Variants in ST6GALNAC3 observed in about 807,000 individuals in gnomAD.
ST6GALNAC3 encodes the protein ST6 N-acetylgalactosaminide alpha-2,6-sialyltransferase 3, also known as alpha-N-acetylgalactosaminide alpha-2,6-sialyltransferase 3.
A neutral mutation model predicts 32.7 loss-of-function variants in ST6GALNAC3; 25 were observed. That is an observed-to-expected ratio of 0.76 (90% CI 0.56 to 1.07). The LOEUF (loss-of-function observed/expected upper bound fraction) is 1.07, where lower values mean the gene tolerates loss of function less well. Among genes scored for constraint, ST6GALNAC3 ranks in the 50% least tolerant of loss-of-function variants. The pLI is 0.00. For missense variants in ST6GALNAC3, 355 were observed against 382.4 expected (o/e 0.93, Z 0.60); for synonymous variants, 129 against 133.1 (o/e 0.97, Z 0.21).
At chr1:76,281,275 G>A (rs1659485828) in intron 1 of ST6GALNAC3, among the ~76,000 whole-genome samples, 1 of 152,044 alleles carries the variant, frequency 6.6e-6, no homozygotes, top group East Asian at 1.9e-4. Flanking sequence ...GAAGGCCTGA[G>A]GAAAAAATAA....
intron 2 of ST6GALNAC3, among the ~76,000 whole-genome samples, chr1:76,368,229 A>G (rs1650534048): frequency 6.6e-6 from 1 of 152,068 alleles, no homozygotes; most frequent in Non-Finnish European, 1.5e-5. Context: ...GGCAATAGAC[A>G]AATGAATGAA....
At chr1:76,207,561 C>A (rs553340422) in intron 1 of ST6GALNAC3, among the ~76,000 whole-genome samples, 1 of 152,204 alleles carries the variant, frequency 6.6e-6, no homozygotes, top group South Asian at 2.1e-4. Flanking sequence ...GAAGGCATCA[C>A]GTGGCAAACA....
At chr1:76,241,430 A>C (rs1656960984) in intron 1 of ST6GALNAC3, among the ~76,000 whole-genome samples, 2 of 152,126 alleles carry the variant, frequency 1.3e-5, no homozygotes, top group Admixed American at 6.6e-5. Context: ...GGGAAGTGCT[A>C]AGCTCCCTTA....
chr1:76,399,883 A>G (rs995991804), intron 2 of ST6GALNAC3, among the ~76,000 whole-genome samples: 1 of 152,128 alleles, frequency 6.6e-6, no homozygotes, highest in Non-Finnish European at 1.5e-5. Context: ...CTATATTGAA[A>G]TACAACATAT....
At chr1:76,250,814 A>G (rs1657566038) in intron 1 of ST6GALNAC3, among the ~76,000 whole-genome samples, 2 of 152,290 alleles carry the variant, frequency 1.3e-5, no homozygotes, top group South Asian at 2.1e-4. Context: ...CAAAATAATT[A>G]GCAATAATTT....
chr1:76,331,115 C>G (rs1647179798), intron 2 of ST6GALNAC3, among the ~76,000 whole-genome samples: 1 of 152,122 alleles, frequency 6.6e-6, no homozygotes, highest in African/African-American at 2.4e-5. Flanking sequence ...ACTGCCATTT[C>G]TTTAGAATGC....
At chr1:76,090,989 C>G (rs1350580270) in intron 1 of ST6GALNAC3, among the ~76,000 whole-genome samples, 1 of 152,096 alleles carries the variant, frequency 6.6e-6, no homozygotes, top group African/African-American at 2.4e-5. Context: ...ATGACTTGTT[C>G]CAATTATGAC....
At chr1:76,588,655 A>G (rs1422361355) in intron 3 of ST6GALNAC3, among the ~76,000 whole-genome samples, 6 of 152,196 alleles carry the variant, frequency 3.9e-5, no homozygotes, top group South Asian at 2.1e-4. Context: ...AGTTTTGACA[A>G]TCACGGGTAC....
chr1:76,575,633 T>C (rs1396693981), intron 3 of ST6GALNAC3, among the ~76,000 whole-genome samples: 1 of 151,996 alleles, frequency 6.6e-6, no homozygotes, highest in Non-Finnish European at 1.5e-5. Flanking sequence ...TCCACAAACT[T>C]GGGTAAGGCA....
At chr1:76,227,288 G>C (rs919156659) in intron 1 of ST6GALNAC3, among the ~76,000 whole-genome samples, 1 of 152,158 alleles carries the variant, frequency 6.6e-6, no homozygotes, top group Non-Finnish European at 1.5e-5. Flanking sequence ...ATGCCTGAAT[G>C]TCAGCCTTTT....
intron 1 of ST6GALNAC3, among the ~76,000 whole-genome samples, chr1:76,211,487 G>A (rs1172345749): frequency 1.3e-5 from 2 of 152,198 alleles, no homozygotes; most frequent in East Asian, 3.8e-4. Flanking sequence ...ACGTGCACAT[G>A]TATGTTTATT....
chr1:76,342,222 A>C (rs573151750), intron 2 of ST6GALNAC3, among the ~76,000 whole-genome samples: 3 of 152,104 alleles, frequency 2.0e-5, no homozygotes, highest in Non-Finnish European at 4.4e-5. Flanking sequence ...TGGTAATATA[A>C]CCAGTAATGG....
At chr1:76,255,611 C>G (rs985138474) in intron 1 of ST6GALNAC3, among the ~76,000 whole-genome samples, 1 of 152,128 alleles carries the variant, frequency 6.6e-6, no homozygotes, top group East Asian at 1.9e-4. Context: ...TTCAAATGCA[C>G]TTTGCTACAG....
At chr1:76,616,315 C>A (rs1440444402) in intron 3 of ST6GALNAC3, among the ~76,000 whole-genome samples, 1 of 152,136 alleles carries the variant, frequency 6.6e-6, no homozygotes, top group Non-Finnish European at 1.5e-5. Flanking sequence ...GAGAGAAAAA[C>A]AGATTTTTTT....
intron 1 of ST6GALNAC3, among the ~76,000 whole-genome samples, chr1:76,078,071 C>A (rs1646841384): frequency 1.3e-5 from 2 of 152,062 alleles, no homozygotes; most frequent in Non-Finnish European, 2.9e-5. Context: ...GACAGGCTTC[C>A]CACTGATGAT....
chr1:76,600,953 T>G (rs1210898450), intron 3 of ST6GALNAC3, among the ~76,000 whole-genome samples: 2 of 151,956 alleles, frequency 1.3e-5, no homozygotes, highest in African/African-American at 2.4e-5. Context: ...GAGGCTGAGG[T>G]GGGTGGATGG....
At chr1:76,104,599 C>T (rs2100784200) in intron 1 of ST6GALNAC3, among the ~76,000 whole-genome samples, 1 of 146,614 alleles carries the variant, frequency 6.8e-6, no homozygotes, top group South Asian at 2.1e-4. Context: ...TCCCTTGATC[C>T]TGGCCTGACG....
chr1:76,622,544 C>G (rs1475816093), intron 3 of ST6GALNAC3, among the ~76,000 whole-genome samples: 1 of 151,804 alleles, frequency 6.6e-6, no homozygotes. Flanking sequence ...GTCAAGAAAT[C>G]CACTGCCCTC....
chr1:76,141,889 G>T (rs148390054), intron 1 of ST6GALNAC3, among the ~76,000 whole-genome samples: 2 of 152,116 alleles, frequency 1.3e-5, no homozygotes, highest in African/African-American at 2.4e-5. Context: ...CCCCTGCTTC[G>T]GTTTAGGTTT....
Sources: allele counts gnomAD v4.1 joint callset (sites outside exome capture counted in the v4.1 genomes callset), GRCh38; gene constraint gnomAD v4.1.1; transcripts MANE v1.5; gene names NCBI Gene and HGNC (gene_info 2026-07-23, HGNC 2026-07-21).